The following RCBTB2 variants were observed in gnomAD, a reference collection of about 807,000 sequenced individuals.
The protein encoded by RCBTB2 is RCC1 and BTB domain containing protein 2, also known as RCC1 and BTB domain-containing protein 2.
A neutral mutation model predicts 65.4 loss-of-function variants in RCBTB2; 55 were observed. The ratio of observed to expected loss-of-function variants is 0.84; its 90% CI spans 0.68 to 1.05. The LOEUF is 1.05. RCBTB2 is among the 50% of genes least tolerant of loss of function. The pLI is 0.00. For synonymous variants in RCBTB2, 220 were observed against 255.2 expected, an observed-to-expected ratio of 0.86 and a Z score of 1.31; for missense variants, 599 against 680.1, an observed-to-expected ratio of 0.88 and a Z score of 1.33.
intron 13 of RCBTB2, among the ~76,000 whole-genome samples, chr13:48,497,293 C>T (rs755222249): frequency 7.2e-5 from 11 of 152,148 alleles, no homozygotes; most frequent in Admixed American, 1.3e-4. Context: ...CTTCCCAAAA[C>T]CCCAGCCCCA....
At chr13:48,507,126 G>A (rs9332021) in intron 10 of RCBTB2, among the ~76,000 whole-genome samples, 95 of 152,338 alleles carry the variant, frequency 6.2e-4, no homozygotes, top group African/African-American at 2.0e-3. Flanking sequence ...GATGCTGCCC[G>A]TCCCGGGGCA....
In RCBTB2 at chr13:48,490,005, C is replaced by T; in HGVS notation, c.*106G>A. ...CCTTCTTCTGACAGTTACAAGTACT[C>T]AGCCAAACATAGCTCATCATACATA... On this transcript the variant is annotated 3_prime_UTR_variant, in exon 15 of 15. Transcript: ENST00000344532. The T allele has an allele frequency of 7.9e-7, 1 of 1,259,344 alleles. No individual in the cohort carries two copies. The highest frequency in any genetic ancestry group is 1.2e-6 in the Non-Finnish European group (1 of 868,982). The allele number at this position is 1,259,344 out of a possible 1,614,324, so 78.0% of individuals were successfully genotyped here. A position where few individuals can be genotyped will look rare whatever the true frequency, so the allele number is the denominator to read the frequency against.
At chr13:48,532,640 G>A (rs1952213773) in intron 1 of RCBTB2, 1 of 235,204 alleles carries the variant, frequency 4.3e-6, no homozygotes, top group Non-Finnish European at 8.6e-6. Context: ...ACCCTGGAAC[G>A]ACGCCAAACG....
upstream of RCBTB2, among the ~76,000 whole-genome samples, chr13:48,534,934 A>T (rs1952341911): frequency 6.6e-6 from 1 of 152,158 alleles, no homozygotes; most frequent in African/African-American, 2.4e-5. Context: ...ATTCCTTCCC[A>T]TTACTGGGAA....
rs780554654 is a variant in RCBTB2, at chr13:48,501,732, G to T, written c.1244+10C>A. 3.4e-5 allele frequency: 54 copies of T among 1,603,656 alleles called. No individual in the cohort carries two copies. The East Asian group carries it at 1.1e-3, about 33-fold the overall frequency. The stretch of plus-strand genomic sequence containing the variant: ...TACTTTTCTCAATTCTCAAATAAAT[G>T]ATTCCTTACCGAATCTTGAGAAGGA... On this transcript the variant is annotated intron_variant, in intron 12 of 14. Transcript: ENST00000344532.
chr13:48,532,495 G>C (rs571937272), intron 1 of RCBTB2: 3 of 153,402 alleles, frequency 2.0e-5, no homozygotes, highest in Non-Finnish European at 4.4e-5. Context: ...TGAAAACATC[G>C]GCAACATATG....
chr13:48,515,124 A>C, intron 6 of RCBTB2, 81 bp downstream of exon 6: 1 of 1,269,828 alleles, frequency 7.9e-7, no homozygotes, highest in East Asian at 2.3e-5. Flanking sequence ...AGGAAGAGCT[A>C]GCAACTCTCA....
At chr13:48,533,471 C>T (rs1258875373), upstream of RCBTB2, among the ~76,000 whole-genome samples, 3 of 152,240 alleles carry the variant, frequency 2.0e-5, no homozygotes, top group Non-Finnish European at 2.9e-5. Context: ...CCCCTCTCCT[C>T]CAGCCTGCCC....
chr13:48,490,004 T>G lies in RCBTB2; in HGVS notation c.*107A>C. 8.0e-7 allele frequency: 1 copy of G among 1,245,428 alleles called. No individual in the cohort carries two copies. The allele number at this position is 1,245,428 out of a possible 1,614,324, so 77.1% of individuals were successfully genotyped here. ...TCCTTCTTCTGACAGTTACAAGTAC[T>G]CAGCCAAACATAGCTCATCATACAT... On this transcript the variant is annotated 3_prime_UTR_variant, in exon 15 of 15. Transcript: ENST00000344532.
chr13:48,501,627 CA>C (rs1316898946), intron 12 of RCBTB2, 114 bp downstream of exon 12: 5 of 812,084 alleles, frequency 6.2e-6, no homozygotes, highest in Non-Finnish European at 7.8e-6. Flanking sequence ...CTTGTAAGAG[CA>C]AAAACAGCCT....
intron 10 of RCBTB2, among the ~76,000 whole-genome samples, chr13:48,505,422 G>T (rs1950452045): frequency 6.6e-6 from 1 of 152,196 alleles, no homozygotes. Context: ...TATTTGCAGG[G>T]TTAGGCCAGT....
Position 48,502,907 on chromosome 13 carries a change from C to T in RCBTB2, c.934G>A (p.Glu312Lys), listed in dbSNP as rs779035573. Residue 312 changes from glutamate to lysine, a missense_variant, in exon 11 of 15, where the codon GAG becomes AAG. Physicochemically the swap from Glu to Lys is moderately conservative, Grantham distance 56 (BLOSUM62 1). Transcript: ENST00000344532. ...PVTVEKDRII[E>K]IAACHSTHTS... The stretch of plus-strand genomic sequence containing the variant: ...TGTGTGGAGTGACAGGCTGCAATCT[C>T]GATAATCCTAAATTCACAAACACAC... 8 of 1,610,304 alleles carry T rather than the reference C, an allele frequency of 5.0e-6. No individual in the cohort carries two copies. In the South Asian group the frequency reaches 5.5e-5, roughly 11 times the overall value.
At chr13:48,517,252 A>C (rs958414563) in intron 4 of RCBTB2, among the ~76,000 whole-genome samples, 3 of 152,184 alleles carry the variant, frequency 2.0e-5, no homozygotes, top group African/African-American at 7.2e-5. Context: ...CCACCATGTC[A>C]TCCATCCCTT....
chr13:48,532,994 C>T (rs1235995707), intron 1 of RCBTB2, 34 bp downstream of exon 1: 2 of 455,704 alleles, frequency 4.4e-6, no homozygotes, highest in South Asian at 3.1e-5. Context: ...CGCGATCCCC[C>T]TCGGCCTCCC....
intron 1 of RCBTB2, chr13:48,531,987 G>T (rs141670973): frequency 8.5e-5 from 13 of 152,324 alleles, no homozygotes; most frequent in African/African-American, 3.1e-4. Flanking sequence ...AGTGTCTGGG[G>T]GAAAGAGCAA....
chr13:48,515,294 A>G lies in RCBTB2; in HGVS notation c.260T>C (p.Ile87Thr), dbSNP rs535502231. 22 of 1,614,168 alleles carry G rather than the reference A, an allele frequency of 1.4e-5. No individual in the cohort carries two copies. Among genetic ancestry groups the G allele is most frequent in the South Asian group, 8.8e-5 (8 of 91,092 alleles). ...TAAAGAATCCAGTCTCCGAGGTTCA[A>G]TGGTGCTCTGGACGTCACCTAACCC... ...CLGLGDVQST[I>T]EPRRLDSLNG... The change falls in exon 6 of 15, where the codon ATT becomes ACT. Residue 87 changes from isoleucine to threonine, a missense_variant. Ile to Thr is a moderately conservative substitution (Grantham distance 89, BLOSUM62 -1). Transcript: ENST00000344532.
Position 48,524,661 on chromosome 13 carries a change from G to C in RCBTB2, c.-122C>G, listed in dbSNP as rs1177411131. 1 of 152,150 alleles carries C rather than the reference G, an allele frequency of 6.6e-6. No homozygotes were observed. Among genetic ancestry groups the C allele is most frequent in the Non-Finnish European group, 1.5e-5 (1 of 68,012 alleles). The allele number at this position is 152,150 out of a possible 1,614,324, so 9.4% of individuals were successfully genotyped here. A position where few individuals can be genotyped will look rare whatever the true frequency, so the allele number is the denominator to read the frequency against. Reference sequence around the variant, plus strand: ...ATTCCCTCCAAAAACTTTTGTACCTGATTGTTTTAAATTTCTGGAACCCAG... The same window carrying C: ...ATTCCCTCCAAAAACTTTTGTACCTCATTGTTTTAAATTTCTGGAACCCAG... On this transcript the variant is annotated splice_region_variant and 5_prime_UTR_variant, in exon 2 of 15. In the 5' UTR this introduces an upstream ATG that the reference lacks. Coordinates refer to ENST00000344532, the MANE Select transcript of RCBTB2 (RefSeq NM_001268.4).
rs1396979115 is a variant in RCBTB2 at position 48,512,131 on chromosome 13, C to G, written c.560G>C (p.Gly187Ala). 1.9e-6 allele frequency: 3 copies of G among 1,614,058 alleles called. No individual in the cohort carries two copies. The highest frequency in any genetic ancestry group is 1.3e-5 in the African/African-American group (1 of 74,922). The change falls in exon 8 of 15, where the codon GGA becomes GCA. Residue 187 changes from glycine to alanine, a missense_variant. By Grantham distance (60) the Gly-to-Ala change is moderately conservative. Transcript: ENST00000344532. Reference protein sequence around the residue: ...GYNNSGQVGSGSTVNQPIPRR... With the variant: ...GYNNSGQVGSASTVNQPIPRR... ...AGGGATTGGCTGATTAACTGTTGAT[C>G]CAGATCCTACCTGCCCAGAGTTATT... is the stretch of plus-strand genomic sequence containing the variant.
intron 11 of RCBTB2, 79 bp downstream of exon 11, chr13:48,502,645 A>G (rs1417527632): frequency 1.4e-6 from 2 of 1,387,894 alleles, no homozygotes; most frequent in Non-Finnish European, 2.0e-6. Flanking sequence ...ACCTAACAAA[A>G]TCCTCATTAT....
Sources: gnomAD v4.1 joint callset for allele counts (sites outside exome capture counted in the v4.1 genomes callset) on GRCh38, gnomAD v4.1.1 for gene constraint, MANE v1.5 for transcripts, NCBI Gene and HGNC (gene_info 2026-07-23, HGNC 2026-07-21) for gene names.